Variants in ADGRL2 observed in about 807,000 individuals in gnomAD.
ADGRL2 encodes the protein adhesion G protein-coupled receptor L2.
A neutral mutation model predicts 157.4 loss-of-function variants in ADGRL2; 44 were observed. The ratio of observed to expected loss-of-function variants is 0.28; its 90% CI spans 0.22 to 0.36. ADGRL2 has a LOEUF of 0.36. Among genes scored for constraint, ADGRL2 ranks in the 10% least tolerant of loss-of-function variants. ADGRL2 has a pLI of 1.00. For missense variants in ADGRL2, 1,510 were observed against 1,768.9 expected (o/e 0.85, Z 2.63); for synonymous variants, 585 against 624.7 (o/e 0.94, Z 0.95).
chr1:81,342,422 A>C (rs924498128), intron 1 of ADGRL2, among the ~76,000 whole-genome samples: 2 of 152,130 alleles, frequency 1.3e-5, no homozygotes, highest in Admixed American at 1.3e-4. Context: ...GAAAGAAATC[A>C]ATTGGTCTTG....
intron 3 of ADGRL2, among the ~76,000 whole-genome samples, chr1:81,932,241 C>T (rs1173840240): frequency 6.6e-6 from 1 of 152,090 alleles, no homozygotes; most frequent in Non-Finnish European, 1.5e-5. Context: ...AAACATTATA[C>T]TTCTTATCTG....
intron 1 of ADGRL2, among the ~76,000 whole-genome samples, chr1:81,835,882 G>A (rs1378360643): frequency 1.3e-5 from 2 of 152,148 alleles, no homozygotes; most frequent in East Asian, 3.9e-4. Context: ...ACCTTTATAG[G>A]TAATAAGTGT....
At chr1:81,341,123 G>A (rs1662042330) in intron 1 of ADGRL2, among the ~76,000 whole-genome samples, 1 of 152,090 alleles carries the variant, frequency 6.6e-6, no homozygotes, top group Non-Finnish European at 1.5e-5. Context: ...TGGAGTTGAG[G>A]TCAAAATGTA....
chr1:81,688,078 G>A (rs932444000), intron 3 of ADGRL2, among the ~76,000 whole-genome samples: 1 of 152,072 alleles, frequency 6.6e-6, no homozygotes, highest in African/African-American at 2.4e-5. Context: ...GTTACCTGAT[G>A]CTTCTGTCTC....
At position 81,429,099 on chromosome 1, in the gene ADGRL2, C is replaced by G. The variant is rs369279279; in HGVS notation, c.-301-15937C>G. Among the ~76,000 whole-genome samples, 259 of 150,768 alleles carry G rather than the reference C, an allele frequency of 1.7e-3. 5 individuals are homozygous for G. The South Asian group carries it at 0.027, about 16-fold the overall frequency. On this transcript the variant is annotated intron_variant, in intron 1 of 24. Transcript: ENST00000370721. ...AATTCTCACTTTTGAAACCTACTAT[C>G]TATATTTGTGAACTACCCATGAGGC...
At position 81,648,830 on chromosome 1, in the gene ADGRL2, T is replaced by C. The variant is rs563536064; in HGVS notation, c.-143+67850T>C. ...TTTAAAGGTATAATTTAAATATGAA[T>C]GAAAGAAGGTTTCAGGGAGCATATC... On this transcript the variant is annotated intron_variant, in intron 3 of 24. Coordinates refer to the ADGRL2 transcript ENST00000370721. Among the ~76,000 whole-genome samples the C allele has an allele frequency of 3.3e-5, 5 of 152,312 alleles. No homozygotes were observed. In the East Asian group the frequency reaches 7.7e-4, roughly 24 times the overall value.
intron 1 of ADGRL2, among the ~76,000 whole-genome samples, chr1:81,397,349 C>T (rs1196217405): frequency 9.5e-6 from 1 of 105,244 alleles, no homozygotes; most frequent in African/African-American, 3.8e-5. Context: ...GAGATGGAGT[C>T]TTGCTCTGTT....
intron 1 of ADGRL2, among the ~76,000 whole-genome samples, chr1:81,432,639 G>C (rs1383525493): frequency 6.6e-6 from 1 of 152,122 alleles, no homozygotes; most frequent in Non-Finnish European, 1.5e-5. Context: ...AGTATACTGA[G>C]ACCATGCCTG....
At chr1:81,908,419 T>C (rs2094633163) in intron 3 of ADGRL2, among the ~76,000 whole-genome samples, 2 of 152,230 alleles carry the variant, frequency 1.3e-5, no homozygotes, top group African/African-American at 4.8e-5. Context: ...TATCTTTTGT[T>C]GGCTTGATAG....
intron 1 of ADGRL2, among the ~76,000 whole-genome samples, chr1:81,402,969 C>T (rs111435862): frequency 6.1e-4 from 93 of 152,330 alleles, no homozygotes; most frequent in South Asian, 2.7e-3. Flanking sequence ...TTCTTACATT[C>T]ATGGAGCTTT....
At chr1:81,405,910 T>C (rs2076846152) in intron 1 of ADGRL2, among the ~76,000 whole-genome samples, 2 of 152,142 alleles carry the variant, frequency 1.3e-5, no homozygotes, top group Admixed American at 6.5e-5. Flanking sequence ...TATCTCCTCA[T>C]AAAAAGTTAT....
At chr1:81,867,180 G>A (rs1193590871) in intron 2 of ADGRL2, among the ~76,000 whole-genome samples, 1 of 152,038 alleles carries the variant, frequency 6.6e-6, no homozygotes, top group Non-Finnish European at 1.5e-5. Flanking sequence ...TTGCTTTTGG[G>A]TAATAAATTA....
At chr1:81,422,267 C>T (rs1385558356) in intron 1 of ADGRL2, among the ~76,000 whole-genome samples, 1 of 151,210 alleles carries the variant, frequency 6.6e-6, no homozygotes, top group East Asian at 1.9e-4. Context: ...TTTTTTGAGA[C>T]GGAGTCTCGT....
chr1:81,655,458 C>T (rs928435497), intron 3 of ADGRL2, among the ~76,000 whole-genome samples: 5 of 152,172 alleles, frequency 3.3e-5, no homozygotes, highest in African/African-American at 1.2e-4. Context: ...CCCACATTCT[C>T]AAAACAGTCT....
chr1:81,547,599 G>A (rs1467721625), intron 2 of ADGRL2, among the ~76,000 whole-genome samples: 1 of 152,174 alleles, frequency 6.6e-6, no homozygotes, highest in African/African-American at 2.4e-5. Flanking sequence ...TTGTCTGGCG[G>A]CTTCTCAATA....
chr1:81,713,353 C>T (rs1429393746), intron 1 of ADGRL2, among the ~76,000 whole-genome samples: 4 of 152,098 alleles, frequency 2.6e-5, no homozygotes, highest in Non-Finnish European at 5.9e-5. Context: ...GCTCCTAATT[C>T]CTGATTGTTG....
At chr1:81,980,471 C>G (rs1480752123) in intron 18 of ADGRL2, among the ~76,000 whole-genome samples, 1 of 151,620 alleles carries the variant, frequency 6.6e-6, no homozygotes, top group Non-Finnish European at 1.5e-5. Context: ...GGAGAAAATG[C>G]TATCTAATTA....
chr1:81,789,114 G>T (rs1160795566), intron 2 of ADGRL2, among the ~76,000 whole-genome samples: 1 of 152,184 alleles, frequency 6.6e-6, no homozygotes, highest in African/African-American at 2.4e-5. Context: ...GACCCAGTGT[G>T]TATGGTGCAA....
intron 1 of ADGRL2, among the ~76,000 whole-genome samples, chr1:81,379,456 T>TTC (rs1256370895): frequency 3.3e-5 from 5 of 152,194 alleles, no homozygotes; most frequent in Admixed American, 6.5e-5. Flanking sequence ...ATCCCGGGGT[T>TTC]TCTTGCCTTG....
Sources: gnomAD v4.1 joint callset for allele counts (sites outside exome capture counted in the v4.1 genomes callset) on GRCh38, gnomAD v4.1.1 for gene constraint, MANE v1.5 for transcripts, NCBI Gene and HGNC (gene_info 2026-07-23, HGNC 2026-07-21) for gene names.